ERI1: variants seen among roughly 807,000 people sequenced by gnomAD.
ERI1 encodes the protein exoribonuclease 1.
Under a neutral mutation model 39.7 loss-of-function variants are expected in ERI1, and 39 were observed. The observed-to-expected ratio is 0.98, with a 90% CI of 0.76 to 1.28. The LOEUF (loss-of-function observed/expected upper bound fraction) is 1.28, where lower values mean the gene tolerates loss of function less well. ERI1 is among the 50% of genes most tolerant of loss of function. ERI1 has a pLI of 0.00. For synonymous variants in ERI1, 204 were observed against 149.6 expected (o/e 1.36, Z -2.65); for missense variants, 581 against 416.9 (o/e 1.39, Z -3.43).
At chr8:9,025,557 C>T (rs1818384000) in intron 6 of ERI1, among the ~76,000 whole-genome samples, 1 of 152,172 alleles carries the variant, frequency 6.6e-6, no homozygotes, top group Non-Finnish European at 1.5e-5. Flanking sequence ...CTTGCTAAGC[C>T]AGAGGAAGCA....
intron 1 of ERI1, among the ~76,000 whole-genome samples, chr8:9,006,796 G>C (rs1277431205): frequency 2.0e-5 from 3 of 152,100 alleles, no homozygotes; most frequent in Non-Finnish European, 2.9e-5. Context: ...AGTCACTCTT[G>C]AGTACTCTGG....
downstream of ERI1, among the ~76,000 whole-genome samples, chr8:9,037,552 TCTTA>T (rs1338899415): frequency 2.2e-4 from 33 of 152,080 alleles, no homozygotes; most frequent in Non-Finnish European, 1.5e-5. Context: ...AGGCACAGGT[TCTTA>T]CTTGTATCTC....
At chr8:9,075,434 C>G (rs1234411169) in intron 3 of ERI1, among the ~76,000 whole-genome samples, 1 of 151,056 alleles carries the variant, frequency 6.6e-6, no homozygotes, top group Non-Finnish European at 1.5e-5. Context: ...TAAAGACATT[C>G]ACTTTTGAGA....
chr8:9,092,601 C>T (rs909585377), intron 3 of ERI1, among the ~76,000 whole-genome samples: 2 of 152,180 alleles, frequency 1.3e-5, no homozygotes, highest in African/African-American at 4.8e-5. Context: ...CACATATCAA[C>T]CTCTTCGGAT....
At chr8:9,015,805 TCTTAAACTAC>T (rs1372739494) in intron 3 of ERI1, among the ~76,000 whole-genome samples, 1 of 151,040 alleles carries the variant, frequency 6.6e-6, no homozygotes, top group Non-Finnish European at 1.5e-5. Flanking sequence ...TGTTAGCAAC[TCTTAAACTAC>T]CTATATATCA....
intron 3 of ERI1, among the ~76,000 whole-genome samples, chr8:9,098,529 A>G (rs566058505): frequency 1.6e-4 from 24 of 152,238 alleles, no homozygotes; most frequent in African/African-American, 5.8e-4. Flanking sequence ...CTCAACAACA[A>G]TAACAAAAAG....
At chr8:9,008,303 A>T (rs1009569391) in intron 2 of ERI1, among the ~76,000 whole-genome samples, 155 bp downstream of exon 2, 2 of 152,214 alleles carry the variant, frequency 1.3e-5, no homozygotes, top group African/African-American at 4.8e-5. Context: ...TTTTATGTGC[A>T]ACTCTGATTA....
At chr8:9,049,352 A>AAAAAAAAAAAAAAAAAAAAAAAAAAAAG in intron 3 of ERI1, among the ~76,000 whole-genome samples, 1 of 145,330 alleles carries the variant, frequency 6.9e-6, no homozygotes, top group African/African-American at 2.5e-5. Context: ...AAAAAAAAAA[A>AAAAAAAAAAAAAAAAAAAAAAAAAAAAG]AAAAAAAAAA....
chr8:9,029,764 A>G, intron 6 of ERI1, 28 bp from the exon 7 acceptor site: 7 of 1,613,262 alleles, frequency 4.3e-6, no homozygotes, highest in Non-Finnish European at 5.9e-6. Context: ...ACACCAAAGA[A>G]TTATTTACTA....
chr8:9,003,363 C>T (rs1440490892), intron 1 of ERI1, among the ~76,000 whole-genome samples, 192 bp downstream of exon 1: 2 of 152,222 alleles, frequency 1.3e-5, no homozygotes, highest in Non-Finnish European at 2.9e-5. Context: ...AGGGCCGAAT[C>T]ACTCTCTGGG....
At chr8:9,029,222 C>G (rs1033096669) in intron 6 of ERI1, among the ~76,000 whole-genome samples, 5 of 151,976 alleles carry the variant, frequency 3.3e-5, no homozygotes, top group African/African-American at 9.7e-5. Flanking sequence ...ACAATACATT[C>G]CCTTTAATAA....
chr8:9,066,825 A>G (rs1798895547), intron 3 of ERI1, among the ~76,000 whole-genome samples: 1 of 152,004 alleles, frequency 6.6e-6, no homozygotes, highest in South Asian at 2.1e-4. Context: ...GGTGGCTTCT[A>G]TTTTGGGAAA....
At chr8:9,078,968 G>A (rs939866140) in intron 3 of ERI1, among the ~76,000 whole-genome samples, 1 of 152,164 alleles carries the variant, frequency 6.6e-6, no homozygotes, top group African/African-American at 2.4e-5. Context: ...TAAAAAAAAT[G>A]TAAAGACTAA....
At chr8:9,004,214 A>T (rs1379959134) in intron 1 of ERI1, 2 of 1,276,860 alleles carry the variant, frequency 1.6e-6, no homozygotes, top group African/African-American at 3.1e-5. Flanking sequence ...TTCAAAGAGT[A>T]CTTGCACATC....
At chr8:9,037,820 C>A (rs1184668756), downstream of ERI1, among the ~76,000 whole-genome samples, 1 of 151,476 alleles carries the variant, frequency 6.6e-6, no homozygotes, top group Non-Finnish European at 1.5e-5. Flanking sequence ...TGACTTTCCC[C>A]CTAGGTGCCA....
intron 3 of ERI1, among the ~76,000 whole-genome samples, chr8:9,070,935 A>G (rs1408196066): frequency 1.3e-5 from 2 of 152,130 alleles, no homozygotes; most frequent in East Asian, 1.9e-4. Flanking sequence ...GGGAGCTGGG[A>G]CAGAGACTTA....
chr8:9,051,815 T>G (rs1177925710), intron 3 of ERI1, among the ~76,000 whole-genome samples: 2 of 152,252 alleles, frequency 1.3e-5, no homozygotes, highest in African/African-American at 4.8e-5. Flanking sequence ...GATCACTTCC[T>G]TTTCTCAGGC....
chr8:9,037,027 G>A (rs757380424), downstream of ERI1, among the ~76,000 whole-genome samples: 12 of 152,012 alleles, frequency 7.9e-5, no homozygotes, highest in Non-Finnish European at 1.5e-4. Flanking sequence ...TATCATCATT[G>A]CTACACAGAC....
chr8:9,015,269 A>G (rs368232144), intron 3 of ERI1, among the ~76,000 whole-genome samples: 16 of 152,144 alleles, frequency 1.1e-4, no homozygotes, highest in African/African-American at 3.9e-4. Flanking sequence ...TTAATTTTTA[A>G]ATCTTCTGCC....
Sources: allele counts gnomAD v4.1 joint callset (sites outside exome capture counted in the v4.1 genomes callset), GRCh38; gene constraint gnomAD v4.1.1; transcripts MANE v1.5; gene names NCBI Gene and HGNC (gene_info 2026-07-23, HGNC 2026-07-21).